The following SYNE2 variants were observed in gnomAD, a reference collection of about 807,000 sequenced individuals.
SYNE2 encodes nesprin-2.
SYNE2 carries 431 observed loss-of-function variants against 856.3 expected under a neutral mutation model. The ratio of observed to expected loss-of-function variants is 0.50; its 90% CI spans 0.47 to 0.55. SYNE2 has a LOEUF of 0.55. Ranked by LOEUF, SYNE2 falls within the 20% of genes least tolerant of loss-of-function variation. The pLI is 0.00. For missense variants in SYNE2, 8,129 were observed against 8,023.2 expected (o/e 1.01, Z -0.50); for synonymous variants, 2,923 against 2,872.3 (o/e 1.02, Z -0.56).
intron 108 of SYNE2, among the ~76,000 whole-genome samples, chr14:64,217,382 T>G (rs2098671571): frequency 6.6e-6 from 1 of 152,220 alleles, no homozygotes; most frequent in Non-Finnish European, 1.5e-5. Context: ...TGGCATGCTC[T>G]GGCTAGGCAG....
At chr14:64,004,045 C>T (rs528823941) in intron 30 of SYNE2, among the ~76,000 whole-genome samples, 104 of 151,844 alleles carry the variant, frequency 6.8e-4, no homozygotes, top group Middle Eastern at 3.4e-3. Flanking sequence ...TCCTTCCTTT[C>T]GACAGAGTCT....
At chr14:64,125,351 A>G in intron 71 of SYNE2, 141 bp downstream of exon 71, 2 of 1,270,442 alleles carry the variant, frequency 1.6e-6, no homozygotes, top group Admixed American at 2.0e-5. Context: ...TGCAAATTGA[A>G]TTGATCTTGC....
intron 76 of SYNE2, among the ~76,000 whole-genome samples, chr14:64,130,899 A>C (rs2098012373): frequency 6.6e-6 from 1 of 151,612 alleles, no homozygotes; most frequent in Non-Finnish European, 1.5e-5. Flanking sequence ...AAAAAAAAAA[A>C]GAAGAAAAGG....
intron 58 of SYNE2, among the ~76,000 whole-genome samples, chr14:64,088,961 T>G (rs2097584058): frequency 6.6e-6 from 1 of 152,250 alleles, no homozygotes; most frequent in Admixed American, 6.5e-5. Context: ...ATATACCTTC[T>G]TAAATAGTAG....
In SYNE2 at chr14:64,026,654, C is replaced by T. The variant is rs749348904; in HGVS notation, c.6328C>T (p.Pro2110Ser). 4 of 1,613,346 alleles carry T rather than the reference C, an allele frequency of 2.5e-6. No homozygotes were observed. The highest frequency in any genetic ancestry group is 3.4e-6 in the Non-Finnish European group (4 of 1,179,686). ...GAAGCAGGCTGAGAGCAGCGAGGCCCCGCTGGTTCAGAAGACCCTCACTGA... is the reference window on the plus strand; with the variant it reads ...GAAGCAGGCTGAGAGCAGCGAGGCCTCGCTGGTTCAGAAGACCCTCACTGA... ...IMKQAESSEA[P>S]LVQKTLTDIS... The change falls in exon 42 of 116, where the codon CCG (proline) becomes TCG (serine). Residue 2110 changes from proline to serine, a missense_variant. Around this residue, in one of 3 missense-constraint regions of SYNE2, gnomAD observed 297 missense variants for 380.9 expected, o/e 0.78. Coordinates refer to ENST00000555002, the MANE Select transcript of SYNE2 (RefSeq NM_182914.3).
At chr14:64,024,730 A>G (rs2096964359) in intron 39 of SYNE2, among the ~76,000 whole-genome samples, 182 bp from the exon 40 acceptor site, 1 of 152,198 alleles carries the variant, frequency 6.6e-6, no homozygotes, top group Non-Finnish European at 1.5e-5. Context: ...CTTTAATACT[A>G]TAGAACCCCG....
chr14:64,219,070 C>A (rs1411891146), intron 109 of SYNE2, 138 bp from the exon 110 acceptor site: 7 of 784,272 alleles, frequency 8.9e-6, no homozygotes, highest in African/African-American at 1.8e-5. Flanking sequence ...CAAAACCAGA[C>A]CCTTCTGTCA....
At position 64,087,661 on chromosome 14, in the gene SYNE2, GT is replaced by G; in HGVS notation, c.11485-7del. The stretch of plus-strand genomic sequence containing the variant: ...TTTCTCTCTATTTTTCCCATTCTGT[GT>G]TTATCTAGATGGCTTTGGAAGATTC... On this transcript the variant is annotated splice_polypyrimidine_tract_variant and intron_variant, in intron 57 of 115. Transcript: ENST00000555002. The G allele has an allele frequency of 6.2e-7, 1 of 1,613,700 alleles. No individual in the cohort carries two copies. The highest frequency in any genetic ancestry group is 1.1e-5 in the South Asian group (1 of 91,060).
At chr14:63,910,633 T>G (rs892490692) in intron 2 of SYNE2, among the ~76,000 whole-genome samples, 7 of 152,222 alleles carry the variant, frequency 4.6e-5, no homozygotes, top group Non-Finnish European at 8.8e-5. Context: ...TAAATCAGAT[T>G]TGTAATGCTG....
At chr14:64,094,525 T>C (rs2097660191) in intron 61 of SYNE2, among the ~76,000 whole-genome samples, 1 of 152,124 alleles carries the variant, frequency 6.6e-6, no homozygotes. Context: ...CTTTTTTTTC[T>C]TGCCATCAAA....
intron 113 of SYNE2, among the ~76,000 whole-genome samples, chr14:64,223,690 T>C (rs2098705119): frequency 1.3e-5 from 2 of 152,138 alleles, no homozygotes. Context: ...GGTCTTGAAC[T>C]CCTGACCTCA....
At chr14:64,144,059 A>G in intron 83 of SYNE2, 111 bp downstream of exon 83, 2 of 1,243,818 alleles carry the variant, frequency 1.6e-6, no homozygotes, top group Admixed American at 3.4e-5. Flanking sequence ...CCTAATAATC[A>G]TCTCAACTAT....
At chr14:64,030,408 G>A (rs2097024021) in intron 44 of SYNE2, among the ~76,000 whole-genome samples, 1 of 152,156 alleles carries the variant, frequency 6.6e-6, no homozygotes, top group Admixed American at 6.5e-5. Context: ...TTCTTGTGTA[G>A]CCCATTAGGA....
Position 64,022,047 on chromosome 14 carries a change from T to C in SYNE2, c.5524+19T>C. ...TTGAATGGTGAGTGCAACATTTCTC[T>C]TATTTTGTTTCTGGGACTCTTGAAG... On this transcript the variant is annotated intron_variant, in intron 37 of 115. Coordinates refer to ENST00000555002, the MANE Select transcript of SYNE2 (RefSeq NM_182914.3). The C allele has an allele frequency of 1.9e-6, 3 of 1,612,202 alleles. No homozygotes were observed. The highest frequency in any genetic ancestry group is 2.2e-5 in the South Asian group (2 of 90,884).
rs562277010 is a variant in SYNE2, at chr14:63,997,808, C to G, written c.3244-411C>G. ...TCATTTTCTGTGGGAATTGAATTTT[C>G]TAAATTCCTGAAGTCTAGATAATTT... On this transcript the variant is annotated intron_variant, in intron 25 of 115. Coordinates refer to ENST00000555002, the MANE Select transcript of SYNE2 (RefSeq NM_182914.3). 7.2e-5 allele frequency among the ~76,000 whole-genome samples: 11 copies of G among 152,284 alleles called. 1 individual carries two copies. The South Asian group carries it at 2.1e-3, about 29-fold the overall frequency.
chr14:63,873,349 G>A (rs1386158938), intron 1 of SYNE2: 4 of 151,964 alleles, frequency 2.6e-5, no homozygotes, highest in African/African-American at 7.3e-5. Flanking sequence ...TCATGCAGGT[G>A]AAGGTGTGGA....
At chr14:63,859,414 C>T (rs1263198045) in intron 1 of SYNE2, among the ~76,000 whole-genome samples, 1 of 151,794 alleles carries the variant, frequency 6.6e-6, no homozygotes, top group Non-Finnish European at 1.5e-5. Context: ...TGTGACTTTT[C>T]TTCTTTTCTG....
intron 1 of SYNE2, among the ~76,000 whole-genome samples, chr14:63,765,572 T>C (rs1268593512): frequency 6.6e-6 from 1 of 152,128 alleles, no homozygotes; most frequent in Non-Finnish European, 1.5e-5. Context: ...TTAACCAGGA[T>C]GGTCTCGATC....
chr14:63,828,182 G>A (rs987180850), intron 1 of SYNE2, among the ~76,000 whole-genome samples: 7 of 151,824 alleles, frequency 4.6e-5, no homozygotes, highest in African/African-American at 1.2e-4. Context: ...GGGTGACAGA[G>A]TGAGACCCTG....
Sources: allele counts gnomAD v4.1 joint callset (sites outside exome capture counted in the v4.1 genomes callset), GRCh38; gene constraint gnomAD v4.1.1; regional missense constraint gnomAD v4.1.1; transcripts MANE v1.5; gene names NCBI Gene and HGNC (gene_info 2026-07-23, HGNC 2026-07-21).